Variants in LAMA4 observed in about 807,000 individuals in gnomAD.
The protein encoded by LAMA4 is laminin subunit alpha 4.
LAMA4 carries 127 observed loss-of-function variants against 207.1 expected under a neutral mutation model. That is an observed-to-expected ratio of 0.61 (90% CI 0.53 to 0.71). The LOEUF (loss-of-function observed/expected upper bound fraction) is 0.71, where lower values mean the gene tolerates loss of function less well. Among genes scored for constraint, LAMA4 ranks in the 30% least tolerant of loss-of-function variants. LAMA4 has a pLI of 0.00. For missense variants in LAMA4, 2,093 were observed against 2,246.5 expected, an observed-to-expected ratio of 0.93 and a Z score of 1.38; for synonymous variants, 761 against 816.0, an observed-to-expected ratio of 0.93 and a Z score of 1.15.
At chr6:112,171,514 G>A (rs1781708965) in intron 12 of LAMA4, 1 of 153,710 alleles carries the variant, frequency 6.5e-6, no homozygotes, top group Non-Finnish European at 1.5e-5. Context: ...AAGGAAGAGA[G>A]CTAAAACATG....
chr6:112,116,053 G>A, intron 35 of LAMA4, 60 bp from the exon 36 acceptor site: 1 of 1,490,128 alleles, frequency 6.7e-7, no homozygotes, highest in East Asian at 2.3e-5. Flanking sequence ...TAACTATGGT[G>A]TGATTTTGTA....
chr6:112,213,648 A>T (rs994266612), intron 3 of LAMA4: 3 of 176,830 alleles, frequency 1.7e-5, no homozygotes, highest in Non-Finnish European at 2.4e-5. Context: ...TATGTGTAAA[A>T]TGGTAGCATA....
chr6:112,168,846 G>A (rs113960586), intron 12 of LAMA4, among the ~76,000 whole-genome samples: 1 of 152,170 alleles, frequency 6.6e-6, no homozygotes, highest in East Asian at 1.9e-4. Flanking sequence ...CCACTGGACT[G>A]GAATGAGTAG....
chr6:112,174,962 C>A lies in LAMA4; in HGVS notation c.1357+351G>T, dbSNP rs1018723006. On this transcript the variant is annotated intron_variant, in intron 11 of 38. Coordinates refer to ENST00000230538, the MANE Select transcript of LAMA4 (RefSeq NM_001105206.3). ...GTCTTCACAACATGAATGTTTCTGG[C>A]CTTGTAGCATTCCTGCCTTCTCAAT... 2.0e-5 allele frequency among the ~76,000 whole-genome samples: 3 copies of A among 152,172 alleles called. 1 individual carries two copies. In the East Asian group the frequency reaches 5.8e-4, roughly 29 times the overall value.
chr6:112,129,986 C>G lies in LAMA4; in HGVS notation c.4023G>C (p.Gly1341=), dbSNP rs782764067. 5.0e-6 allele frequency: 8 copies of G among 1,613,288 alleles called. No homozygotes were observed. In the South Asian group the frequency reaches 8.8e-5, roughly 18 times the overall value. Residue 1341 remains glycine, a synonymous_variant, in exon 30 of 39, where the codon GGG becomes GGC. Transcript: ENST00000230538. ...CACTTGCTTGTGTCTGTTCTATTTT[C>G]CCTTTGGTAGGATTCTTACTCCCAA... ...SRVGSKNPTK[G]KIEQTQASEK... is the part of the protein sequence containing the mutation.
intron 9 of LAMA4, among the ~76,000 whole-genome samples, chr6:112,183,626 C>A (rs1300362342): frequency 1.3e-5 from 2 of 152,050 alleles, no homozygotes; most frequent in Non-Finnish European, 2.9e-5. Context: ...AAAACATTTC[C>A]TCAGATGTTT....
At chr6:112,153,499 G>C (rs1271536071) in intron 16 of LAMA4, among the ~76,000 whole-genome samples, 1 of 152,064 alleles carries the variant, frequency 6.6e-6, no homozygotes, top group African/African-American at 2.4e-5. Flanking sequence ...AACTTTGAAG[G>C]GATGTGGGTA....
Position 112,109,073 on chromosome 6 carries a change from C to A in LAMA4, c.*364G>T. 7.4e-6 allele frequency: 2 copies of A among 271,302 alleles called. No homozygotes were observed. The highest frequency in any genetic ancestry group is 7.2e-6 in the Non-Finnish European group (1 of 139,212). 16.8% of individuals were successfully genotyped at this position (271,302 alleles called of 1,614,324 possible). ...TTTATATAGATTGAAAGTTATCTTC[C>A]CTGGAAGAAAGGTGAATCTGAGAAT... On this transcript the variant is annotated 3_prime_UTR_variant, in exon 39 of 39. Transcript: ENST00000230538.
chr6:112,113,939 C>G (rs1777854351), intron 38 of LAMA4, 137 bp downstream of exon 38: 1 of 977,780 alleles, frequency 1.0e-6, no homozygotes, highest in Non-Finnish European at 1.6e-6. Context: ...TATGCCTTTT[C>G]CATTTAAACA....
chr6:112,137,763 T>C (rs1779441164), intron 24 of LAMA4, among the ~76,000 whole-genome samples: 1 of 152,252 alleles, frequency 6.6e-6, no homozygotes, highest in Non-Finnish European at 1.5e-5. Context: ...TACAAATTTC[T>C]GAAAATGCTG....
At chr6:112,146,705 G>A (rs1554334604) in intron 18 of LAMA4, among the ~76,000 whole-genome samples, 1 of 152,226 alleles carries the variant, frequency 6.6e-6, no homozygotes, top group South Asian at 2.1e-4. Context: ...CTATGTCAGT[G>A]CAGATCAAGG....
chr6:112,121,200 A>AT (rs587619549), intron 32 of LAMA4, among the ~76,000 whole-genome samples: 1,600 of 152,306 alleles, frequency 0.011, 25 homozygotes, highest in African/African-American at 0.034. Context: ...ACAGACTAAA[A>AT]TTTTTTCCCA....
intron 2 of LAMA4, among the ~76,000 whole-genome samples, chr6:112,219,881 G>C (rs1420594001): frequency 1.3e-5 from 2 of 152,126 alleles, no homozygotes; most frequent in African/African-American, 4.8e-5. Context: ...ATACAGATAA[G>C]AAATGGTGGA....
At chr6:112,196,614 C>T (rs549982341) in intron 5 of LAMA4, 2 of 152,234 alleles carry the variant, frequency 1.3e-5, no homozygotes, top group Admixed American at 6.5e-5. Context: ...CTCTACAAGG[C>T]TTGTGCATTT....
chr6:112,120,996 C>T (rs1778324713), intron 32 of LAMA4, among the ~76,000 whole-genome samples: 2 of 151,992 alleles, frequency 1.3e-5, no homozygotes, highest in Non-Finnish European at 2.9e-5. Context: ...ATCACTTGAG[C>T]CTGGGAGGTT....
Position 112,187,258 on chromosome 6 carries a change from A to G in LAMA4, c.966+192T>C, listed in dbSNP as rs1782739362. 3 of 729,052 alleles carry G rather than the reference A, an allele frequency of 4.1e-6. No individual in the cohort carries two copies. The African/African-American group carries it at 5.2e-5, about 13-fold the overall frequency. 45.2% of individuals were successfully genotyped at this position (729,052 alleles called of 1,614,324 possible). A position where few individuals can be genotyped will look rare whatever the true frequency, so the allele number is the denominator to read the frequency against. On this transcript the variant is annotated intron_variant, in intron 8 of 38. Coordinates refer to ENST00000230538, the MANE Select transcript of LAMA4 (RefSeq NM_001105206.3). ...AGACAGTAGTTCTTGTTTTGGCCCA[A>G]GCTCATAGTTACAATCAACTTTTCA...
chr6:112,109,288 A>G lies in LAMA4; in HGVS notation c.*149T>C. On this transcript the variant is annotated 3_prime_UTR_variant, in exon 39 of 39. Transcript: ENST00000230538. ...TTAAGAATCCAAATGAGAAATAAGA[A>G]ATATCCGGTCCCTGATGATTCGTTT... The G allele has an allele frequency of 1.2e-6, 1 of 846,440 alleles. No homozygotes were observed. The highest frequency in any genetic ancestry group is 1.9e-6 in the Non-Finnish European group (1 of 529,252). 52.4% of individuals were successfully genotyped at this position (846,440 alleles called of 1,614,324 possible).
intron 9 of LAMA4, among the ~76,000 whole-genome samples, chr6:112,182,459 A>T (rs1469609375): frequency 6.6e-6 from 1 of 152,210 alleles, no homozygotes; most frequent in African/African-American, 2.4e-5. Context: ...TTAAGCCATG[A>T]TTGAATCTAT....
intron 5 of LAMA4, among the ~76,000 whole-genome samples, chr6:112,195,237 A>T (rs1050577826): frequency 6.7e-6 from 1 of 149,950 alleles, no homozygotes; most frequent in African/African-American, 2.5e-5. Flanking sequence ...AAAATGACAT[A>T]AAAAAAAAGA....
Sources: gnomAD v4.1 joint callset for allele counts (sites outside exome capture counted in the v4.1 genomes callset) on GRCh38, gnomAD v4.1.1 for gene constraint, MANE v1.5 for transcripts, NCBI Gene and HGNC (gene_info 2026-07-23, HGNC 2026-07-21) for gene names.